The following CTNNA3 variants were observed in gnomAD, a reference collection of about 807,000 sequenced individuals.
The protein encoded by CTNNA3 is catenin alpha-3.
Under a neutral mutation model 95.7 loss-of-function variants are expected in CTNNA3, and 76 were observed. That is an observed-to-expected ratio of 0.79 (90% CI 0.66 to 0.96). The LOEUF is 0.96. Ranked by LOEUF, CTNNA3 falls within the 40% of genes least tolerant of loss-of-function variation. CTNNA3 has a pLI of 0.00. For synonymous variants in CTNNA3, 431 were observed against 374.4 expected (o/e 1.15, Z -1.74); for missense variants, 1,191 against 1,089.8 (o/e 1.09, Z -1.31).
At chr10:67,336,067 T>C (rs1841985523) in intron 5 of CTNNA3, among the ~76,000 whole-genome samples, 1 of 152,166 alleles carries the variant, frequency 6.6e-6, no homozygotes, top group African/African-American at 2.4e-5. Flanking sequence ...ACCATCGTAA[T>C]TGTTGTGGGG....
At chr10:66,142,612 G>A (rs2083677112) in intron 13 of CTNNA3, among the ~76,000 whole-genome samples, 1 of 151,966 alleles carries the variant, frequency 6.6e-6, no homozygotes, top group South Asian at 2.1e-4. Flanking sequence ...TTTTGAAACA[G>A]GATTTAAACA....
At chr10:67,242,326 T>C (rs1865746425) in intron 5 of CTNNA3, among the ~76,000 whole-genome samples, 1 of 152,160 alleles carries the variant, frequency 6.6e-6, no homozygotes, top group South Asian at 2.1e-4. Flanking sequence ...CAATCTAACT[T>C]TGATAAAGGA....
At chr10:67,462,904 C>T (rs1847436452) in intron 5 of CTNNA3, among the ~76,000 whole-genome samples, 1 of 146,760 alleles carries the variant, frequency 6.8e-6, no homozygotes, top group Non-Finnish European at 1.5e-5. Flanking sequence ...GATTTTTTTT[C>T]TTTTTCTTTT....
chr10:66,802,701 A>G (rs1411280131), intron 7 of CTNNA3, among the ~76,000 whole-genome samples: 1 of 151,804 alleles, frequency 6.6e-6, no homozygotes, highest in African/African-American at 2.4e-5. Context: ...CATCTGAATC[A>G]TAATAGCCCC....
At chr10:66,974,976 A>G (rs1008398228) in intron 7 of CTNNA3, among the ~76,000 whole-genome samples, 1 of 152,202 alleles carries the variant, frequency 6.6e-6, no homozygotes, top group African/African-American at 2.4e-5. Context: ...TAAAATCCAC[A>G]GATGCAATTC....
chr10:66,011,530 T>G (rs2079004768), intron 15 of CTNNA3, among the ~76,000 whole-genome samples: 1 of 152,132 alleles, frequency 6.6e-6, no homozygotes, highest in Admixed American at 6.5e-5. Context: ...TATATTGCAT[T>G]TTTTATATAC....
At chr10:66,188,261 T>C (rs1040029379) in intron 13 of CTNNA3, among the ~76,000 whole-genome samples, 9 of 152,152 alleles carry the variant, frequency 5.9e-5, no homozygotes, top group African/African-American at 1.9e-4. Context: ...TCAAGTGTAC[T>C]AGCATACTTA....
chr10:67,535,370 A>G (rs1429102789), intron 4 of CTNNA3, among the ~76,000 whole-genome samples: 1 of 152,146 alleles, frequency 6.6e-6, no homozygotes, highest in Non-Finnish European at 1.5e-5. Context: ...AGGAAGACAA[A>G]ATCGAGAGTC....
At chr10:66,700,998 G>A (rs1355119414) in intron 9 of CTNNA3, among the ~76,000 whole-genome samples, 1 of 151,966 alleles carries the variant, frequency 6.6e-6, no homozygotes, top group Non-Finnish European at 1.5e-5. Flanking sequence ...AGTTAAAATT[G>A]ACATAAAATA....
chr10:67,115,617 T>C (rs1364805635), intron 7 of CTNNA3, among the ~76,000 whole-genome samples: 1 of 151,980 alleles, frequency 6.6e-6, no homozygotes, highest in African/African-American at 2.4e-5. Flanking sequence ...ATTTATCTTT[T>C]GTTCTTCATC....
intron 11 of CTNNA3, among the ~76,000 whole-genome samples, chr10:66,491,592 C>G (rs761775343): frequency 6.6e-6 from 1 of 151,870 alleles, no homozygotes; most frequent in Non-Finnish European, 1.5e-5. Flanking sequence ...ATATGAAGTC[C>G]TTTTTATTTC....
In CTNNA3 at chr10:66,979,221, GC is replaced by G. The variant is rs374112686; in HGVS notation, c.1047+201095del. On this transcript the variant is annotated intron_variant, in intron 7 of 17. Coordinates refer to ENST00000433211, the MANE Select transcript of CTNNA3 (RefSeq NM_013266.4). ...GACCTCTAGCGATCTGCCTGCCTCG[GC>G]CTCCCAAAGTGCTGGGATTACAGGC... Among the ~76,000 whole-genome samples, 843 of 152,088 alleles carry G rather than the reference GC, an allele frequency of 5.5e-3. 11 individuals are homozygous for G. Among genetic ancestry groups the G allele is most frequent in the African/African-American group, 0.019 (799 of 41,526 alleles).
chr10:66,285,490 T>C (rs533937956), intron 12 of CTNNA3, among the ~76,000 whole-genome samples: 1 of 151,950 alleles, frequency 6.6e-6, no homozygotes, highest in South Asian at 2.1e-4. Flanking sequence ...AATGAATTTT[T>C]AATATGATGA....
At chr10:66,233,417 C>T (rs1430090596) in intron 13 of CTNNA3, among the ~76,000 whole-genome samples, 1 of 152,032 alleles carries the variant, frequency 6.6e-6, no homozygotes, top group East Asian at 1.9e-4. Flanking sequence ...AAGATATTCA[C>T]ATTACACTCA....
intron 7 of CTNNA3, among the ~76,000 whole-genome samples, chr10:66,830,298 A>G (rs1345970801): frequency 6.6e-6 from 1 of 152,216 alleles, no homozygotes; most frequent in Non-Finnish European, 1.5e-5. Flanking sequence ...GAATTTAAAT[A>G]TGTGTACCAA....
intron 16 of CTNNA3, among the ~76,000 whole-genome samples, chr10:65,975,168 T>C (rs567686559): frequency 2.6e-5 from 4 of 152,248 alleles, no homozygotes; most frequent in African/African-American, 9.6e-5. Context: ...AATTCAACTC[T>C]TCTGCAGAAA....
chr10:66,367,079 G>GAGTCCCTC (rs1409552254), intron 12 of CTNNA3, among the ~76,000 whole-genome samples: 2 of 152,102 alleles, frequency 1.3e-5, no homozygotes, highest in Non-Finnish European at 2.9e-5. Flanking sequence ...CACCTACCTA[G>GAGTCCCTC]AGTCCCTTCT....
At chr10:66,475,143 A>T (rs1839278985) in intron 11 of CTNNA3, among the ~76,000 whole-genome samples, 1 of 151,916 alleles carries the variant, frequency 6.6e-6, no homozygotes, top group Admixed American at 6.6e-5. Context: ...TCTTGACCAA[A>T]CCAAAGTCAT....
At chr10:67,638,251 T>A (rs1206414631) in intron 2 of CTNNA3, among the ~76,000 whole-genome samples, 2 of 151,742 alleles carry the variant, frequency 1.3e-5, no homozygotes, top group East Asian at 3.9e-4. Flanking sequence ...CCAACAAAGA[T>A]CAAAACAGAC....
Sources: allele counts gnomAD v4.1 joint callset (sites outside exome capture counted in the v4.1 genomes callset), GRCh38; gene constraint gnomAD v4.1.1; transcripts MANE v1.5; gene names NCBI Gene and HGNC (gene_info 2026-07-23, HGNC 2026-07-21).